LHFPL6: variants seen among roughly 807,000 people sequenced by gnomAD.
LHFPL6 encodes LHFPL tetraspan subfamily member 6.
LHFPL6 carries 9 observed loss-of-function variants against 20.6 expected under a neutral mutation model. The observed-to-expected ratio is 0.44, with a 90% CI of 0.26 to 0.76. The LOEUF (loss-of-function observed/expected upper bound fraction) is 0.76, where lower values mean the gene tolerates loss of function less well. Ranked by LOEUF, LHFPL6 falls within the 30% of genes least tolerant of loss-of-function variation. The pLI is 0.20. For synonymous variants in LHFPL6, 105 were observed against 98.7 expected, an observed-to-expected ratio of 1.06 and a Z score of -0.38; for missense variants, 218 against 253.5, an observed-to-expected ratio of 0.86 and a Z score of 0.95.
chr13:39,432,756 A>T (rs1003304936), intron 2 of LHFPL6, among the ~76,000 whole-genome samples: 2 of 152,196 alleles, frequency 1.3e-5, no homozygotes, highest in Non-Finnish European at 2.9e-5. Context: ...CCACAAATTC[A>T]GATATTTTTA....
At chr13:39,347,382 G>A (rs1471119928) in intron 3 of LHFPL6, among the ~76,000 whole-genome samples, 2 of 152,194 alleles carry the variant, frequency 1.3e-5, no homozygotes, top group Non-Finnish European at 2.9e-5. Context: ...TAAAAGAAAA[G>A]CAGAAAGGAA....
intron 2 of LHFPL6, among the ~76,000 whole-genome samples, chr13:39,580,178 T>C (rs970072203): frequency 2.6e-5 from 4 of 151,884 alleles, no homozygotes; most frequent in Admixed American, 2.0e-4. Flanking sequence ...CATGAAAGCA[T>C]ATGGGAAGAG....
intron 2 of LHFPL6, among the ~76,000 whole-genome samples, chr13:39,576,899 G>A (rs1009227991): frequency 2.6e-5 from 4 of 152,032 alleles, no homozygotes; most frequent in African/African-American, 9.7e-5. Flanking sequence ...TTTGTATTCA[G>A]TCTCCCAAAT....
chr13:39,568,082 C>G (rs1175839796), intron 2 of LHFPL6, among the ~76,000 whole-genome samples: 1 of 152,178 alleles, frequency 6.6e-6, no homozygotes, highest in African/African-American at 2.4e-5. Context: ...TTTTTTCTTG[C>G]CAATGTTAAA....
chr13:39,373,081 A>G (rs757566422), intron 3 of LHFPL6, among the ~76,000 whole-genome samples: 2 of 152,252 alleles, frequency 1.3e-5, no homozygotes, highest in Non-Finnish European at 2.9e-5. Context: ...GGAAGCTCAC[A>G]GGTGAGGTTA....
intron 2 of LHFPL6, among the ~76,000 whole-genome samples, chr13:39,413,604 T>TAG (rs1555261394): frequency 1.3e-5 from 2 of 148,488 alleles, no homozygotes. Flanking sequence ...TTTTTTTTCT[T>TAG]TAAGTAAGTT....
chr13:39,570,459 T>C lies in LHFPL6; in HGVS notation c.385+30373A>G, dbSNP rs112365632. Among the ~76,000 whole-genome samples, 3 of 152,168 alleles carry C rather than the reference T, an allele frequency of 2.0e-5. No homozygotes were observed. The East Asian group carries it at 5.8e-4, about 29-fold the overall frequency. ...ACGCCTGGCTAATTTATGTAATTTT[T>C]AAATATCCAGAAGGATTCATTAAAA... On this transcript the variant is annotated intron_variant, in intron 2 of 3. Coordinates refer to ENST00000379589, the MANE Select transcript of LHFPL6 (RefSeq NM_005780.3).
At position 39,583,904 on chromosome 13, in the gene LHFPL6, C is replaced by G. The variant is rs1872365282; in HGVS notation, c.385+16928G>C. On this transcript the variant is annotated intron_variant, in intron 2 of 3. Transcript: ENST00000379589. ...AGTGTGCCTCGAAGGCAACTTGCTC[C>G]CTCACACCCAAGCGCCTCGTCTTGT... Among the ~76,000 whole-genome samples, 5 of 152,170 alleles carry G rather than the reference C, an allele frequency of 3.3e-5. No individual in the cohort carries two copies. In the South Asian group the frequency reaches 1.0e-3, roughly 32 times the overall value.
intron 3 of LHFPL6, among the ~76,000 whole-genome samples, chr13:39,347,547 G>T (rs1869443244): frequency 1.3e-5 from 2 of 152,134 alleles, no homozygotes; most frequent in African/African-American, 2.4e-5. Context: ...ATTTAACGGG[G>T]TAACAGATTC....
chr13:39,394,219 T>A (rs1870782358), intron 2 of LHFPL6, among the ~76,000 whole-genome samples: 1 of 152,140 alleles, frequency 6.6e-6, no homozygotes, highest in African/African-American at 2.4e-5. Context: ...GGATTACAGG[T>A]GTGAACCACT....
At chr13:39,504,035 A>G (rs1219791449) in intron 2 of LHFPL6, among the ~76,000 whole-genome samples, 1 of 152,242 alleles carries the variant, frequency 6.6e-6, no homozygotes, top group Non-Finnish European at 1.5e-5. Flanking sequence ...TGATAGTGCC[A>G]TCACTTTTAA....
At chr13:39,432,522 C>T (rs1224870518) in intron 2 of LHFPL6, among the ~76,000 whole-genome samples, 2 of 152,102 alleles carry the variant, frequency 1.3e-5, no homozygotes, top group Admixed American at 6.5e-5. Context: ...GCAGGGTCCA[C>T]CCCCTCTCCT....
chr13:39,573,713 ATAAC>A (rs1872009555), intron 2 of LHFPL6, among the ~76,000 whole-genome samples: 1 of 152,188 alleles, frequency 6.6e-6, no homozygotes, highest in Non-Finnish European at 1.5e-5. Context: ...TCTAGGAAAA[ATAAC>A]TAAAGAAAAA....
chr13:39,558,772 C>T (rs916895019), intron 2 of LHFPL6, among the ~76,000 whole-genome samples: 3 of 152,212 alleles, frequency 2.0e-5, no homozygotes, highest in Non-Finnish European at 4.4e-5. Context: ...CAGCACCAGG[C>T]AGGATACCCT....
chr13:39,459,193 A>AAT (rs1872635895), intron 2 of LHFPL6, among the ~76,000 whole-genome samples: 2 of 76,846 alleles, frequency 2.6e-5, no homozygotes, highest in Admixed American at 1.4e-4. Context: ...CAAGTTCCTT[A>AAT]ATGTGTGTGT....
At chr13:39,442,087 C>T (rs1043536617) in intron 2 of LHFPL6, among the ~76,000 whole-genome samples, 1 of 152,072 alleles carries the variant, frequency 6.6e-6, no homozygotes, top group Non-Finnish European at 1.5e-5. Context: ...CCTCAGCCTC[C>T]CATAGTGCTG....
chr13:39,489,580 G>T (rs967741422), intron 2 of LHFPL6, among the ~76,000 whole-genome samples: 1 of 151,050 alleles, frequency 6.6e-6, no homozygotes, highest in Non-Finnish European at 1.5e-5. Flanking sequence ...CGGGGGATAG[G>T]GTCTCGCTCT....
In LHFPL6 at chr13:39,512,601, C is replaced by CAAAAAAAAAAA. The variant is rs565183661; in HGVS notation, c.385+88220_385+88230dup. Among the ~76,000 whole-genome samples the CAAAAAAAAAAA allele has an allele frequency of 2.4e-3, 262 of 109,166 alleles. 2 individuals carry two copies. The highest frequency in any genetic ancestry group is 5.3e-3 in the South Asian group (17 of 3,228). The allele number at this position is 109,166 out of a possible 152,430, so 71.6% of individuals were successfully genotyped here. A position where few individuals can be genotyped will look rare whatever the true frequency, so the allele number is the denominator to read the frequency against. On this transcript the variant is annotated intron_variant, in intron 2 of 3. Coordinates refer to ENST00000379589, the MANE Select transcript of LHFPL6 (RefSeq NM_005780.3). ...TGGGCAACAGAGCGAGCCTCCGTCT[C>CAAAAAAAAAAA]AAAAAAAAAAAAAAGAAAAGAAAAA...
chr13:39,431,728 G>GGC (rs994262660), intron 2 of LHFPL6, among the ~76,000 whole-genome samples: 2 of 138,040 alleles, frequency 1.4e-5, no homozygotes, highest in Non-Finnish European at 3.2e-5. Flanking sequence ...GGGGGGGGGG[G>GGC]GCTTCCTCTC....
Sources: gnomAD v4.1 joint callset for allele counts (sites outside exome capture counted in the v4.1 genomes callset) on GRCh38, gnomAD v4.1.1 for gene constraint, MANE v1.5 for transcripts, NCBI Gene and HGNC (gene_info 2026-07-23, HGNC 2026-07-21) for gene names.